The following CRISP3 variants were observed in gnomAD, a reference collection of about 807,000 sequenced individuals.
CRISP3 encodes the protein cysteine rich secretory protein 3.
CRISP3 carries 33 observed loss-of-function variants against 36.1 expected under a neutral mutation model. The ratio of observed to expected loss-of-function variants is 0.91; its 90% CI spans 0.69 to 1.22. CRISP3 has a LOEUF of 1.22. Ranked by LOEUF, CRISP3 falls within the 50% of genes most tolerant of loss-of-function variation. CRISP3 has a pLI of 0.00. For missense variants in CRISP3, 330 were observed against 301.2 expected (o/e 1.10, Z -0.71); for synonymous variants, 117 against 104.6 (o/e 1.12, Z -0.72).
intron 1 of CRISP3, among the ~76,000 whole-genome samples, chr6:49,740,575 ATGTGTGTGTGTGTGTGTGTG>A (rs35601509): frequency 2.1e-5 from 3 of 141,540 alleles, no homozygotes; most frequent in African/African-American, 7.8e-5. Context: ...GTGTATATGG[ATGTGTGTGTGTGTGTGTGTG>A]TGTGTGTGTG....
intron 1 of CRISP3, among the ~76,000 whole-genome samples, chr6:49,741,854 G>A (rs1298540763): frequency 6.8e-6 from 1 of 146,376 alleles, no homozygotes; most frequent in Non-Finnish European, 1.5e-5. Flanking sequence ...ATATATACAA[G>A]TAATGTAATG....
intron 7 of CRISP3, 120 bp downstream of exon 7, chr6:49,731,043 T>C (rs1189417904): frequency 3.0e-6 from 2 of 671,940 alleles, no homozygotes; most frequent in Non-Finnish European, 4.9e-6. Flanking sequence ...CAGACTTTTT[T>C]TTCCTTTTTG....
chr6:49,728,424 C>G lies in CRISP3; in HGVS notation c.*306G>C, dbSNP rs906945949. 3 of 187,172 alleles carry G rather than the reference C, an allele frequency of 1.6e-5. No individual in the cohort carries two copies. The highest frequency in any genetic ancestry group is 7.0e-5 in the African/African-American group (3 of 42,762). The allele number at this position is 187,172 out of a possible 1,614,324, so 11.6% of individuals were successfully genotyped here. ...ACTTTCAATCCAGGGTTTTAGTGAA[C>G]TTAGTCATATGAGAATACAACTTTC... On this transcript the variant is annotated 3_prime_UTR_variant, in exon 8 of 8. Transcript: ENST00000263045.
chr6:49,735,662 A>C (rs1383994856), intron 3 of CRISP3, 71 bp from the exon 4 acceptor site: 15 of 1,116,476 alleles, frequency 1.3e-5, no homozygotes, highest in Non-Finnish European at 2.0e-5. Flanking sequence ...CTTTATAATC[A>C]GGTTATAGGT....
At chr6:49,736,757 G>A (rs1339246362) in intron 2 of CRISP3, among the ~76,000 whole-genome samples, 1 of 152,052 alleles carries the variant, frequency 6.6e-6, no homozygotes, top group Non-Finnish European at 1.5e-5. Context: ...CCAATTTCTG[G>A]GTTAAGAGAG....
chr6:49,739,872 C>G (rs930774415), intron 1 of CRISP3, among the ~76,000 whole-genome samples: 2 of 152,156 alleles, frequency 1.3e-5, no homozygotes, highest in African/African-American at 4.8e-5. Context: ...GTAGATTTCT[C>G]TTAATTCATT....
chr6:49,736,463 T>G lies in CRISP3; in HGVS notation c.156A>C (p.Gln52His). ...CATTGTGCTTATTCACAATCTCCCTTTGCACTTGTGTTTGGGTGGTTAACA... is the reference window on the plus strand; with the variant it reads ...CATTGTGCTTATTCACAATCTCCCTGTGCACTTGTGTTTGGGTGGTTAACA... ...TALLTTQTQV[Q>H]REIVNKHNEL... The change falls in exon 3 of 8, where the codon CAA (glutamine) becomes CAC (histidine). Residue 52 changes from glutamine to histidine, a missense_variant. By Grantham distance (24) the Gln-to-His change is conservative. Coordinates refer to ENST00000263045, the MANE Select transcript of CRISP3 (RefSeq NM_006061.4). 6.2e-7 allele frequency: 1 copy of G among 1,613,818 alleles called. No homozygotes were observed.
At chr6:49,740,627 A>T (rs1044087495) in intron 1 of CRISP3, among the ~76,000 whole-genome samples, 7 of 110,330 alleles carry the variant, frequency 6.3e-5, no homozygotes, top group Non-Finnish European at 1.1e-4. Context: ...TGTATAGTGA[A>T]TGTGAAGGAG....
chr6:49,744,280 T>A (rs944634382), intron 1 of CRISP3, 51 bp downstream of exon 1: 8 of 1,332,712 alleles, frequency 6.0e-6, no homozygotes, highest in Non-Finnish European at 8.3e-6. Context: ...AATGTGTTGT[T>A]CACCTTGAAA....
At position 49,733,720 on chromosome 6, in the gene CRISP3, C is replaced by T. The variant is rs978010771; in HGVS notation, c.445G>A (p.Val149Ile). ...CTCCTTACCTGTGTATAATGTCCAA[C>T]CACTGCGTTGGGAGTCTTTGGCCCT... ...GVGPKTPNAV[V>I]GHYTQVVWYS... Residue 149 changes from valine (V) to isoleucine (I), a missense_variant, in exon 5 of 8, where the codon GTT becomes ATT. Val to Ile is a conservative substitution (Grantham distance 29). Transcript: ENST00000263045. 6.8e-6 allele frequency: 11 copies of T among 1,613,156 alleles called. No individual in the cohort carries two copies. The highest frequency in any genetic ancestry group is 9.3e-6 in the Non-Finnish European group (11 of 1,179,340).
At chr6:49,733,649 C>G (rs1356784223) in intron 5 of CRISP3, 54 bp downstream of exon 5, 2 of 1,528,726 alleles carry the variant, frequency 1.3e-6, no homozygotes, top group Non-Finnish European at 1.8e-6. Flanking sequence ...TTTGAAGAAT[C>G]CTTTTTTTTT....
Position 49,736,465 on chromosome 6 carries a change from G to C in CRISP3, c.154C>G (p.Gln52Glu), listed in dbSNP as rs746645162. 1 of 1,613,698 alleles carries C rather than the reference G, an allele frequency of 6.2e-7. No individual in the cohort carries two copies. Among genetic ancestry groups the C allele is most frequent in the Non-Finnish European group, 8.5e-7 (1 of 1,179,716 alleles). ...TTGTGCTTATTCACAATCTCCCTTTGCACTTGTGTTTGGGTGGTTAACAAA... is the reference window on the plus strand; with the variant it reads ...TTGTGCTTATTCACAATCTCCCTTTCCACTTGTGTTTGGGTGGTTAACAAA... ...TALLTTQTQV[Q>E]REIVNKHNEL... Residue 52 changes from glutamine (Q) to glutamate (E), a missense_variant, in exon 3 of 8, where the codon CAA becomes GAA. Transcript: ENST00000263045.
At chr6:49,743,502 C>T (rs1214486178) in intron 1 of CRISP3, among the ~76,000 whole-genome samples, 1 of 152,076 alleles carries the variant, frequency 6.6e-6, no homozygotes, top group East Asian at 1.9e-4. Context: ...GCAAATACTC[C>T]CAGAGTTTCC....
In CRISP3 at chr6:49,732,855, T is replaced by G. The variant is rs148884072; in HGVS notation, c.560+340A>C. On this transcript the variant is annotated intron_variant, in intron 6 of 7. Coordinates refer to ENST00000263045, the MANE Select transcript of CRISP3 (RefSeq NM_006061.4). ...CTGGACTAATTATCAAGCTTCCAGT[T>G]TCTCGTGTGTAAACTTAGCATGAAC... Among the ~76,000 whole-genome samples, 1,057 of 152,310 alleles carry G rather than the reference T, an allele frequency of 6.9e-3. 9 individuals carry two copies. The highest frequency in any genetic ancestry group is 0.024 in the African/African-American group (993 of 41,566).
rs1031203455 is a variant in CRISP3, at chr6:49,728,475, G to A, written c.*255C>T. 1 of 266,250 alleles carries A rather than the reference G, an allele frequency of 3.8e-6. No individual in the cohort carries two copies. The highest frequency in any genetic ancestry group is 2.2e-5 in the African/African-American group (1 of 45,318). 16.5% of individuals were successfully genotyped at this position (266,250 alleles called of 1,614,324 possible). A position where few individuals can be genotyped will look rare whatever the true frequency, so the allele number is the denominator to read the frequency against. ...AAAATTTTCACCCTAATTAAATTCA[G>A]TAAATTTAAATCACAAAGTTTATAT... On this transcript the variant is annotated 3_prime_UTR_variant, in exon 8 of 8. Transcript: ENST00000263045.
chr6:49,733,560 G>T, intron 5 of CRISP3, 143 bp downstream of exon 5: 2 of 815,692 alleles, frequency 2.5e-6, no homozygotes, highest in Non-Finnish European at 1.9e-6. Context: ...ACAGTTCACA[G>T]CTGAAATACT....
intron 1 of CRISP3, among the ~76,000 whole-genome samples, chr6:49,738,000 C>T (rs1210209814): frequency 6.6e-6 from 1 of 152,116 alleles, no homozygotes; most frequent in Non-Finnish European, 1.5e-5. Context: ...ACCCATGCAG[C>T]CAGCATCCTA....
chr6:49,728,868 A>G lies in CRISP3; in HGVS notation c.650-11T>C, dbSNP rs746687659. The G allele has an allele frequency of 1.9e-6, 3 of 1,601,774 alleles. No homozygotes were observed. The highest frequency in any genetic ancestry group is 2.6e-6 in the Non-Finnish European group (3 of 1,174,680). ...ACTTGCAACCATTGGCTGGAATAAA[A>G]ACAAAGAAATTAGTCACTTCATTAT... On this transcript the variant is annotated splice_polypyrimidine_tract_variant and intron_variant, in intron 7 of 7. Coordinates refer to ENST00000263045, the MANE Select transcript of CRISP3 (RefSeq NM_006061.4).
chr6:49,731,819 A>G (rs1768923572), intron 6 of CRISP3, among the ~76,000 whole-genome samples: 1 of 152,062 alleles, frequency 6.6e-6, no homozygotes, highest in South Asian at 2.1e-4. Flanking sequence ...GTGAAAGGGT[A>G]TTGGGCTTGG....
Sources: gnomAD v4.1 joint callset for allele counts (sites outside exome capture counted in the v4.1 genomes callset) on GRCh38, gnomAD v4.1.1 for gene constraint, MANE v1.5 for transcripts, NCBI Gene and HGNC (gene_info 2026-07-23, HGNC 2026-07-21) for gene names.